The following EYS variants were observed in gnomAD, a reference collection of about 807,000 sequenced individuals.
EYS encodes the protein EGF-like photoreceptor maintenance factor.
A neutral mutation model predicts 282.1 loss-of-function variants in EYS; 250 were observed. The ratio of observed to expected loss-of-function variants is 0.89; its 90% CI spans 0.80 to 0.98. The LOEUF (loss-of-function observed/expected upper bound fraction) is 0.98, where lower values mean the gene tolerates loss of function less well. Ranked by LOEUF, EYS falls within the 50% of genes least tolerant of loss-of-function variation. The probability of loss-of-function intolerance (pLI) is 0.00; values close to 1 mark genes in which losing one functional copy is unlikely to be tolerated. For synonymous variants in EYS, 1,355 were observed against 1,282.9 expected (o/e 1.06, Z -1.20); for missense variants, 4,016 against 3,709.0 (o/e 1.08, Z -2.15).
At position 63,749,775 on chromosome 6, in the gene EYS, C is replaced by A. The variant is rs191559415; in HGVS notation, c.8071+12686G>T. Among the ~76,000 whole-genome samples, 572 of 152,296 alleles carry A rather than the reference C, an allele frequency of 3.8e-3. 1 individual carries two copies. The highest frequency in any genetic ancestry group is 6.5e-3 in the Non-Finnish European group (440 of 68,024). ...CCCCAGAGTCACTGGGGGTCAGGAA[C>A]AAGTACTGGTGCATAGTAGCCCCCT... On this transcript the variant is annotated intron_variant, in intron 41 of 42. Coordinates refer to ENST00000503581, the MANE Select transcript of EYS (RefSeq NM_001142800.2).
intron 41 of EYS, among the ~76,000 whole-genome samples, chr6:63,759,331 T>A: frequency 6.6e-6 from 1 of 152,212 alleles, no homozygotes; most frequent in South Asian, 2.1e-4. Flanking sequence ...ACTTGCCCAA[T>A]GTCTAAGGTT....
At chr6:64,787,002 TCAGTAGAGTTTGG>T (rs1343634453) in intron 22 of EYS, among the ~76,000 whole-genome samples, 1 of 152,180 alleles carries the variant, frequency 6.6e-6, no homozygotes. Flanking sequence ...TTTCTAGAGG[TCAGTAGAGTTTGG>T]CAATAGCATG....
At chr6:65,169,968 G>A (rs1413999928) in intron 12 of EYS, among the ~76,000 whole-genome samples, 1 of 151,488 alleles carries the variant, frequency 6.6e-6, no homozygotes, top group Non-Finnish European at 1.5e-5. Flanking sequence ...CAATAAAACA[G>A]AAGAGAATAA....
chr6:65,331,803 G>T, intron 11 of EYS: 1 of 790,630 alleles, frequency 1.3e-6, no homozygotes, highest in Non-Finnish European at 1.5e-6. Flanking sequence ...TGTTTTCAAT[G>T]TTTATTCGTA....
chr6:64,121,769 T>C (rs566353286), intron 31 of EYS, among the ~76,000 whole-genome samples: 1 of 152,284 alleles, frequency 6.6e-6, no homozygotes, highest in African/African-American at 2.4e-5. Flanking sequence ...TTCTATTAGG[T>C]GTGACACCAT....
intron 26 of EYS, among the ~76,000 whole-genome samples, chr6:64,511,814 A>AT (rs907417296): frequency 6.6e-5 from 9 of 135,666 alleles, no homozygotes; most frequent in South Asian, 4.7e-4. Context: ...TAGATACTAA[A>AT]TTTTGGGGGG....
At chr6:65,170,441 A>G (rs1370360586) in intron 12 of EYS, among the ~76,000 whole-genome samples, 1 of 151,600 alleles carries the variant, frequency 6.6e-6, no homozygotes, top group African/African-American at 2.4e-5. Flanking sequence ...AATGAAAATG[A>G]AAGCATGGCC....
chr6:63,825,847 C>T (rs563270914), intron 36 of EYS, among the ~76,000 whole-genome samples: 2 of 152,274 alleles, frequency 1.3e-5, no homozygotes, highest in South Asian at 4.2e-4. Context: ...ATCAACACCC[C>T]TCAAAAATCA....
chr6:65,232,738 C>T (rs1360249222), intron 12 of EYS, among the ~76,000 whole-genome samples: 3 of 151,942 alleles, frequency 2.0e-5, no homozygotes, highest in African/African-American at 7.2e-5. Flanking sequence ...ATACTATTTC[C>T]AAATTAGGTC....
intron 8 of EYS, among the ~76,000 whole-genome samples, chr6:65,370,405 G>A: frequency 6.9e-6 from 1 of 145,126 alleles, no homozygotes; most frequent in Non-Finnish European, 1.5e-5. Flanking sequence ...ATGGATGCGT[G>A]CCACCAGATC....
intron 31 of EYS, among the ~76,000 whole-genome samples, chr6:64,210,871 CAGA>C (rs997231381): frequency 6.6e-6 from 1 of 152,142 alleles, no homozygotes; most frequent in Non-Finnish European, 1.5e-5. Flanking sequence ...AACAAAAAAG[CAGA>C]AGAAGGGTGA....
intron 5 of EYS, among the ~76,000 whole-genome samples, chr6:65,411,835 A>G (rs537120850): frequency 5.3e-5 from 8 of 150,228 alleles, no homozygotes; most frequent in African/African-American, 1.7e-4. Context: ...TTTTCGGTTA[A>G]TTGGTAAATA....
At chr6:65,155,533 G>A (rs922505844) in intron 12 of EYS, among the ~76,000 whole-genome samples, 5 of 151,380 alleles carry the variant, frequency 3.3e-5, no homozygotes, top group Admixed American at 6.6e-5. Flanking sequence ...TCTTGGAAAC[G>A]TTTGCTGAAA....
chr6:64,243,877 G>A (rs1358361946), intron 30 of EYS, among the ~76,000 whole-genome samples: 1 of 152,036 alleles, frequency 6.6e-6, no homozygotes. Context: ...TTTCCCTATT[G>A]ATAAACATCA....
chr6:64,497,942 A>T (rs889257233), intron 26 of EYS, among the ~76,000 whole-genome samples: 5 of 152,160 alleles, frequency 3.3e-5, no homozygotes, highest in Non-Finnish European at 7.3e-5. Flanking sequence ...GCTTATTAAG[A>T]GTCTGGGTAT....
intron 35 of EYS, among the ~76,000 whole-genome samples, chr6:63,871,470 G>A (rs1226179701): frequency 6.6e-6 from 1 of 152,022 alleles, no homozygotes; most frequent in Non-Finnish European, 1.5e-5. Context: ...ATCCCATCCT[G>A]GCCAACATGG....
At position 65,436,177 on chromosome 6, in the gene EYS, T is replaced by C. The variant is rs150253105; in HGVS notation, c.863-30810A>G. On this transcript the variant is annotated intron_variant, in intron 5 of 42. Coordinates refer to ENST00000503581, the MANE Select transcript of EYS (RefSeq NM_001142800.2). Reference sequence around the variant, plus strand: ...TATTAGCAGATGGAATGAGACAAAATCATGGCTCATCTTTTTGGATGCTGG... The same window carrying C: ...TATTAGCAGATGGAATGAGACAAAACCATGGCTCATCTTTTTGGATGCTGG... Among the ~76,000 whole-genome samples the C allele has an allele frequency of 4.5e-4, 68 of 152,216 alleles. 1 individual carries two copies. The East Asian group carries it at 0.012, about 28-fold the overall frequency.
intron 33 of EYS, among the ~76,000 whole-genome samples, chr6:64,047,272 A>G (rs1251286015): frequency 6.6e-6 from 1 of 152,188 alleles, no homozygotes; most frequent in African/African-American, 2.4e-5. Context: ...TTAGGAGACC[A>G]GAGGTTGTTA....
chr6:64,463,303 A>G (rs1308940266), intron 26 of EYS, among the ~76,000 whole-genome samples: 1 of 152,176 alleles, frequency 6.6e-6, no homozygotes, highest in African/African-American at 2.4e-5. Flanking sequence ...CTCCCATATC[A>G]GGATTATATT....
Sources: gnomAD v4.1 joint callset for allele counts (sites outside exome capture counted in the v4.1 genomes callset) on GRCh38, gnomAD v4.1.1 for gene constraint, MANE v1.5 for transcripts, NCBI Gene and HGNC (gene_info 2026-07-23, HGNC 2026-07-21) for gene names.